The following TMPRSS2 variants were observed in gnomAD, a reference collection of about 807,000 sequenced individuals.
The protein encoded by TMPRSS2 is transmembrane serine protease 2.
A neutral mutation model predicts 67.4 loss-of-function variants in TMPRSS2; 59 were observed. The ratio of observed to expected loss-of-function variants is 0.88; its 90% confidence interval spans 0.71 to 1.09. The LOEUF is 1.09. Among genes scored for constraint, TMPRSS2 ranks in the 50% least tolerant of loss-of-function variants. The pLI, the probability that TMPRSS2 is intolerant of heterozygous loss-of-function variation, is 0.00. For missense variants in TMPRSS2, 668 were observed against 642.7 expected, an observed-to-expected ratio of 1.04 and a Z score of -0.43; for synonymous variants, 257 against 257.0, an observed-to-expected ratio of 1.00 and a Z score of 0.00.
At chr21:41,499,245 T>C (rs2091407165) in intron 1 of TMPRSS2, among the ~76,000 whole-genome samples, 1 of 152,200 alleles carries the variant, frequency 6.6e-6, no homozygotes, top group Admixed American at 6.5e-5. Context: ...ATTTTGCTTG[T>C]TGTCCTTTGT....
At chr21:41,481,562 A>G (rs2091257023) in intron 5 of TMPRSS2, among the ~76,000 whole-genome samples, 1 of 152,200 alleles carries the variant, frequency 6.6e-6, no homozygotes, top group Non-Finnish European at 1.5e-5. Flanking sequence ...CTGTGGTGAT[A>G]GTTGCACATA....
chr21:41,470,844 C>G (rs28524972), intron 10 of TMPRSS2, 101 bp from the exon 11 acceptor site: 259,301 of 882,726 alleles, frequency 0.29, 39,776 homozygotes, highest in Middle Eastern at 0.37. Context: ...CCCTGGCCAC[C>G]CTGCCCAGAG....
In TMPRSS2 at chr21:41,465,653, C is replaced by T. The variant is rs1430808584; in HGVS notation, c.*489G>A. 4.1e-6 allele frequency: 1 copy of T among 243,110 alleles called. No individual in the cohort carries two copies. Among genetic ancestry groups the T allele is most frequent in the African/African-American group, 2.2e-5 (1 of 45,552 alleles). The allele number at this position is 243,110 out of a possible 1,614,324, so 15.1% of individuals were successfully genotyped here. On this transcript the variant is annotated 3_prime_UTR_variant, in exon 14 of 14. Coordinates refer to ENST00000332149, the MANE Select transcript of TMPRSS2 (RefSeq NM_005656.4). Reference sequence around the variant, plus strand: ...GCCACCATCCAGGGCTGCTAAGGCTCTAAGAACCCATCAGCAAAATCCCCT... The same window carrying T: ...GCCACCATCCAGGGCTGCTAAGGCTTTAAGAACCCATCAGCAAAATCCCCT...
intron 10 of TMPRSS2, 107 bp from the exon 11 acceptor site, chr21:41,470,850 C>T: frequency 2.6e-6 from 2 of 776,874 alleles, no homozygotes; most frequent in Non-Finnish European, 4.1e-6. Flanking sequence ...CCACCCTGCC[C>T]AGAGGACCCT....
In TMPRSS2 at chr21:41,467,718, A is replaced by G. The variant is rs2146419611; in HGVS notation, c.1467+16T>C. 1 of 1,613,348 alleles carries G rather than the reference A, an allele frequency of 6.2e-7. No homozygotes were observed. Among genetic ancestry groups the G allele is most frequent in the South Asian group, 1.1e-5 (1 of 90,974 alleles). ...GGAATCGGAGAACACAGTCAGAAGG[A>G]GGACAGGATAGTTACCCTCATTTGT... On this transcript the variant is annotated intron_variant, in intron 13 of 13. Transcript: ENST00000332149.
At chr21:41,504,520 T>C (rs395584) in intron 1 of TMPRSS2, among the ~76,000 whole-genome samples, 18,042 of 152,226 alleles carry the variant, frequency 0.12, 2,006 homozygotes, top group East Asian at 0.33. Context: ...CTCCTGACCA[T>C]TGCTCAGCAA....
rs111964509 is a variant in TMPRSS2 at position 41,485,386 on chromosome 21, G to T, written c.445+3008C>A. 5.1e-4 allele frequency among the ~76,000 whole-genome samples: 78 copies of T among 152,200 alleles called. 1 individual carries two copies. The highest frequency in any genetic ancestry group is 1.9e-3 in the African/African-American group (77 of 41,524). ...TTCCAGGCCAGGCGTGGTAGTTCAC[G>T]CCTGTAATCCCAGCAGTCTGGGAGG... On this transcript the variant is annotated intron_variant, in intron 5 of 13. Transcript: ENST00000332149.
At position 41,479,285 on chromosome 21, in the gene TMPRSS2, A is replaced by G. The variant is rs754707223; in HGVS notation, c.573-3T>C. On this transcript the variant is annotated splice_polypyrimidine_tract_variant and splice_region_variant and intron_variant, in intron 6 of 13. Transcript: ENST00000332149. ...CTTGGCTAGAGTAAAAATTATTCCTAAAAAAGAAAACCTTATTTGTGATAA... is the reference window on the plus strand; with the variant it reads ...CTTGGCTAGAGTAAAAATTATTCCTGAAAAAGAAAACCTTATTTGTGATAA... The G allele has an allele frequency of 6.2e-7, 1 of 1,609,972 alleles. No homozygotes were observed.
intron 7 of TMPRSS2, among the ~76,000 whole-genome samples, chr21:41,477,738 C>T (rs1297155269): frequency 6.6e-6 from 1 of 152,146 alleles, no homozygotes; most frequent in African/African-American, 2.4e-5. Context: ...TCCTAAGAAT[C>T]CTAAGGTCGG....
chr21:41,469,661 C>T (rs1360563304), intron 11 of TMPRSS2, among the ~76,000 whole-genome samples: 1 of 152,154 alleles, frequency 6.6e-6, no homozygotes, highest in African/African-American at 2.4e-5. Context: ...TAGCCGGGAC[C>T]TTGTGATCCC....
At chr21:41,480,720 C>A (rs1024044126) in intron 5 of TMPRSS2, 118 bp from the exon 6 acceptor site, 4 of 1,397,456 alleles carry the variant, frequency 2.9e-6, no homozygotes, top group African/African-American at 2.9e-5. Flanking sequence ...CTCACTGCAG[C>A]CTCCGCCTCC....
intron 1 of TMPRSS2, 121 bp from the exon 2 acceptor site, chr21:41,498,310 C>T: frequency 1.5e-6 from 1 of 652,012 alleles, no homozygotes; most frequent in South Asian, 2.0e-5. Flanking sequence ...CCAGTGTTGC[C>T]TGCTGACCTT....
At chr21:41,481,643 C>T (rs1277869566) in intron 5 of TMPRSS2, among the ~76,000 whole-genome samples, 1 of 151,912 alleles carries the variant, frequency 6.6e-6, no homozygotes, top group Admixed American at 6.6e-5. Context: ...TATCAATAAG[C>T]TGTTTTATAT....
intron 2 of TMPRSS2, among the ~76,000 whole-genome samples, chr21:41,496,829 C>CTT (rs66730350): frequency 0.012 from 815 of 68,524 alleles, 89 homozygotes; most frequent in Non-Finnish European, 0.018. Flanking sequence ...TCTCTCTCTC[C>CTT]TTTTTTTTTT....
intron 3 of TMPRSS2, among the ~76,000 whole-genome samples, chr21:41,492,875 C>T (rs1230858971): frequency 6.6e-6 from 1 of 152,214 alleles, no homozygotes; most frequent in African/African-American, 2.4e-5. Flanking sequence ...CCTTCACTGC[C>T]ATTTCTTAGG....
chr21:41,483,113 C>T (rs1424234869), intron 5 of TMPRSS2, among the ~76,000 whole-genome samples: 3 of 152,156 alleles, frequency 2.0e-5, no homozygotes, highest in African/African-American at 7.2e-5. Flanking sequence ...ATGTATGCAT[C>T]AGGTTCATCG....
chr21:41,466,180 T>C, intron 13 of TMPRSS2, 27 bp from the exon 14 acceptor site: 1 of 1,612,998 alleles, frequency 6.2e-7, no homozygotes, highest in South Asian at 1.1e-5. Context: ...AAAAAAAGTG[T>C]GTTATTTTCT....
rs952726028 is a variant in TMPRSS2 at position 41,471,354 on chromosome 21, T to C, written c.1075+452A>G. 3.3e-5 allele frequency among the ~76,000 whole-genome samples: 5 copies of C among 152,214 alleles called. No individual in the cohort carries two copies. The East Asian group carries it at 9.6e-4, about 29-fold the overall frequency. On this transcript the variant is annotated intron_variant, in intron 10 of 13. Transcript: ENST00000332149. ...ATCTTTACACATTTTAGGCCAGTAG[T>C]TCTCAACTGGAAGTGACTTTGCCTC...
At chr21:41,473,211 C>A in intron 9 of TMPRSS2, 114 bp downstream of exon 9, 1 of 1,234,132 alleles carries the variant, frequency 8.1e-7, no homozygotes, top group Non-Finnish European at 1.1e-6. Flanking sequence ...GCAATACTCT[C>A]CCCATTTAAA....
Sources: allele counts gnomAD v4.1 joint callset (sites outside exome capture counted in the v4.1 genomes callset), GRCh38; gene constraint gnomAD v4.1.1; transcripts MANE v1.5; gene names NCBI Gene and HGNC (gene_info 2026-07-23, HGNC 2026-07-21).